Variants in HEPACAM observed in about 807,000 individuals in gnomAD.
The protein encoded by HEPACAM is hepatic and glial cell adhesion molecule, also known as hepatocyte cell adhesion molecule.
HEPACAM carries 18 observed loss-of-function variants against 38.3 expected under a neutral mutation model. That is an observed-to-expected ratio of 0.47 (90% confidence interval 0.33 to 0.70). The LOEUF is 0.70. HEPACAM is among the 30% of genes least tolerant of loss of function. HEPACAM has a pLI of 0.03. For synonymous variants in HEPACAM, 216 were observed against 243.1 expected (o/e 0.89, Z 1.04); for missense variants, 466 against 563.0 (o/e 0.83, Z 1.74).
In HEPACAM at chr11:124,919,438, A is replaced by C; in HGVS notation, c.*1700T>G. 2 of 326,704 alleles carry C rather than the reference A, an allele frequency of 6.1e-6. No individual in the cohort carries two copies. The highest frequency in any genetic ancestry group is 5.9e-5 in the East Asian group (1 of 16,972). 20.2% of individuals were successfully genotyped at this position (326,704 alleles called of 1,614,324 possible). On this transcript the variant is annotated 3_prime_UTR_variant, in exon 7 of 7. Transcript: ENST00000298251. ...CCCCTCAGGGATTCAGCACCAGGGT[A>C]TGGCATGTTCTCATCTCACCCTAAC...
At chr11:124,935,734 C>T (rs900208010) in intron 1 of HEPACAM, among the ~76,000 whole-genome samples, 188 bp downstream of exon 1, 2 of 152,118 alleles carry the variant, frequency 1.3e-5, no homozygotes, top group Admixed American at 6.5e-5. Flanking sequence ...AGGGGCCGCG[C>T]GGGAGGCACA....
chr11:124,920,362 C>A lies in HEPACAM; in HGVS notation c.*776G>T, dbSNP rs1565336368. The A allele has an allele frequency of 6.5e-7, 1 of 1,538,560 alleles. No individual in the cohort carries two copies. Among genetic ancestry groups the A allele is most frequent in the Non-Finnish European group, 8.8e-7 (1 of 1,139,002 alleles). On this transcript the variant is annotated 3_prime_UTR_variant, in exon 7 of 7. Coordinates refer to ENST00000298251, the MANE Select transcript of HEPACAM (RefSeq NM_152722.5). ...TCTATAAGAATAAGCCCATCCATCTCTTTTATTCATGAACAGAGACAGAAA... is the reference window on the plus strand; with the variant it reads ...TCTATAAGAATAAGCCCATCCATCTATTTTATTCATGAACAGAGACAGAAA...
chr11:124,932,551 G>T (rs1430812949), intron 1 of HEPACAM, among the ~76,000 whole-genome samples: 1 of 152,206 alleles, frequency 6.6e-6, no homozygotes, highest in Non-Finnish European at 1.5e-5. Context: ...GTAGCTCCAT[G>T]ACGCCTCAGG....
At chr11:124,922,671 C>G in intron 5 of HEPACAM, 74 bp downstream of exon 5, 1 of 1,614,164 alleles carries the variant, frequency 6.2e-7, no homozygotes, top group Non-Finnish European at 8.5e-7. Flanking sequence ...CCTTGTCGCC[C>G]AGTTCTGCCT....
chr11:124,928,304 G>A (rs1947242705), intron 1 of HEPACAM, among the ~76,000 whole-genome samples: 1 of 152,180 alleles, frequency 6.6e-6, no homozygotes, highest in South Asian at 2.1e-4. Flanking sequence ...GCTTGATTTA[G>A]AAAACCAAAC....
At chr11:124,927,477 G>T (rs1947227431) in intron 1 of HEPACAM, among the ~76,000 whole-genome samples, 1 of 148,148 alleles carries the variant, frequency 6.8e-6, no homozygotes, top group South Asian at 2.1e-4. Context: ...CAAGTAGCTG[G>T]GACCACAGGC....
At chr11:124,927,768 G>A (rs957016839) in intron 1 of HEPACAM, among the ~76,000 whole-genome samples, 3 of 151,916 alleles carry the variant, frequency 2.0e-5, no homozygotes, top group African/African-American at 7.3e-5. Context: ...GCACACACCT[G>A]TAATCCTAGC....
At chr11:124,931,307 A>C (rs1158357108) in intron 1 of HEPACAM, among the ~76,000 whole-genome samples, 2 of 152,154 alleles carry the variant, frequency 1.3e-5, no homozygotes, top group East Asian at 3.9e-4. Context: ...TCCTGGGCTC[A>C]AGAGATTCTC....
In HEPACAM at chr11:124,922,825, A is replaced by G. The variant is rs201728421; in HGVS notation, c.804-7T>C. 3 of 1,614,022 alleles carry G rather than the reference A, an allele frequency of 1.9e-6. No homozygotes were observed. Among genetic ancestry groups the G allele is most frequent in the Non-Finnish European group, 2.5e-6 (3 of 1,180,010 alleles). On this transcript the variant is annotated splice_polypyrimidine_tract_variant and splice_region_variant and intron_variant, in intron 4 of 6. Transcript: ENST00000298251. ...TTCTAGCTTCTTCTGTTTCCTGTGA[A>G]TCAATTCAGCCCCACTATGAGCCGA...
intron 1 of HEPACAM, 122 bp downstream of exon 1, chr11:124,935,800 C>T (rs1365135901): frequency 3.2e-5 from 25 of 789,768 alleles, no homozygotes; most frequent in African/African-American, 8.5e-5. Flanking sequence ...ATGTTTCCCA[C>T]GGCAGCTGAA....
At chr11:124,932,700 C>A (rs1305722299) in intron 1 of HEPACAM, among the ~76,000 whole-genome samples, 1 of 152,110 alleles carries the variant, frequency 6.6e-6, no homozygotes, top group Non-Finnish European at 1.5e-5. Context: ...TAAGTATGGC[C>A]ATGTGACTGA....
rs2135400292 is a variant in HEPACAM, at chr11:124,925,057, C to A, written c.98G>T (p.Gly33Val). Residue 33 changes from glycine (G) to valine (V), a missense_variant, in exon 2 of 7, where the codon GGG (glycine) becomes GTG (valine). Gly to Val is a moderately radical substitution (Grantham distance 109, BLOSUM62 -3). Coordinates refer to ENST00000298251, the MANE Select transcript of HEPACAM (RefSeq NM_152722.5). ...GCGCACGGGGCTGGTGATGTTCACC[C>A]CCTCCAGGGGGTCTGTGAACAGAGG... ...LLLIQTDPLE[G>V]VNITSPVRLI... is the part of the protein sequence containing the mutation. 6.3e-7 allele frequency: 1 copy of A among 1,592,338 alleles called. No homozygotes were observed. Among genetic ancestry groups the A allele is most frequent in the Non-Finnish European group, 8.6e-7 (1 of 1,166,916 alleles).
chr11:124,924,583 G>T lies in HEPACAM; in HGVS notation c.427+145C>A. On this transcript the variant is annotated intron_variant, in intron 2 of 6. Coordinates refer to ENST00000298251, the MANE Select transcript of HEPACAM (RefSeq NM_152722.5). This position sits in a 1 kb window ranked among gnomAD's most constrained non-coding sequence, Gnocchi z 4.4. ...CATGTTAGCTGTGCTGTGCCTGTCTGCCAACTTCTAATGTCCACTTGCCTC... is the reference window on the plus strand; with the variant it reads ...CATGTTAGCTGTGCTGTGCCTGTCTTCCAACTTCTAATGTCCACTTGCCTC... 1.3e-6 allele frequency: 1 copy of T among 786,526 alleles called. No homozygotes were observed. The highest frequency in any genetic ancestry group is 2.3e-6 in the Non-Finnish European group (1 of 436,446). 48.7% of individuals were successfully genotyped at this position (786,526 alleles called of 1,614,324 possible).
In HEPACAM at chr11:124,922,787, G is replaced by A; in HGVS notation, c.835C>T (p.Leu279=). 1 of 1,614,194 alleles carries A rather than the reference G, an allele frequency of 6.2e-7. No individual in the cohort carries two copies. The highest frequency in any genetic ancestry group is 2.2e-5 in the East Asian group (1 of 44,888). Reference sequence around the variant, plus strand: ...TCATCATTCTGATCCATGTATTCCAGGGAGTTTTGCTTTTCTAGCTTCTTC... The same window carrying A: ...TCATCATTCTGATCCATGTATTCCAAGGAGTTTTGCTTTTCTAGCTTCTTC... ...KQKKLEKQNS[L]EYMDQNDDRL... is the part of the protein sequence containing the mutation. The change falls in exon 5 of 7, where the codon CTG becomes TTG. Residue 279 remains leucine, a synonymous_variant. Transcript: ENST00000298251.
Position 124,919,919 on chromosome 11 carries a change from G to T in HEPACAM, c.*1219C>A. ...TTTAATTGCCCTCTCTCCTCACACA[G>T]TAGATTACTGCCACTCCTATGAACT... On this transcript the variant is annotated 3_prime_UTR_variant, in exon 7 of 7. Coordinates refer to ENST00000298251, the MANE Select transcript of HEPACAM (RefSeq NM_152722.5). 5.0e-6 allele frequency: 8 copies of T among 1,614,102 alleles called. No homozygotes were observed. Among genetic ancestry groups the T allele is most frequent in the Non-Finnish European group, 6.8e-6 (8 of 1,180,018 alleles).
Position 124,920,541 on chromosome 11 carries a change from T to C in HEPACAM, c.*597A>G, listed in dbSNP as rs1431695289. The C allele has an allele frequency of 1.8e-5, 25 of 1,401,386 alleles. No homozygotes were observed. The highest frequency in any genetic ancestry group is 1.8e-5 in the Non-Finnish European group (19 of 1,059,392). The allele number at this position is 1,401,386 out of a possible 1,614,324, so 86.8% of individuals were successfully genotyped here. A position where few individuals can be genotyped will look rare whatever the true frequency, so the allele number is the denominator to read the frequency against. On this transcript the variant is annotated 3_prime_UTR_variant, in exon 7 of 7. Transcript: ENST00000298251. ...ACCTTGTAGGTCCCCAGGTACCAGG[T>C]GCCCAGGGAAGAAGGCCTTCACAAT...
chr11:124,922,643 T>C, intron 5 of HEPACAM, 102 bp downstream of exon 5: 2 of 1,613,540 alleles, frequency 1.2e-6, no homozygotes, highest in Non-Finnish European at 1.7e-6. Context: ...GGGGGAAGGG[T>C]CCCTGCAGAG....
At position 124,920,678 on chromosome 11, in the gene HEPACAM, C is replaced by CGGAA. The variant is rs886047925; in HGVS notation, c.*459_*460insTTCC. ...AAGTGGCCTCTCTAATCTGAACTTG[C>CGGAA]AAAAAAAAAAAAAAAAAAAAAAAAA... On this transcript the variant is annotated 3_prime_UTR_variant, in exon 7 of 7. Coordinates refer to ENST00000298251, the MANE Select transcript of HEPACAM (RefSeq NM_152722.5). 1.5e-4 allele frequency: 84 copies of CGGAA among 575,242 alleles called. 3 individuals are homozygous for CGGAA. The African/African-American group carries it at 2.5e-3, about 17-fold the overall frequency. The allele number at this position is 575,242 out of a possible 1,614,324, so 35.6% of individuals were successfully genotyped here.
chr11:124,930,000 C>A (rs3924535), intron 1 of HEPACAM, among the ~76,000 whole-genome samples: 1 of 152,042 alleles, frequency 6.6e-6, no homozygotes, highest in Admixed American at 6.5e-5. Flanking sequence ...TCCCTAACAC[C>A]AAAGGCTGCT....
Sources: allele counts gnomAD v4.1 joint callset (sites outside exome capture counted in the v4.1 genomes callset), GRCh38; gene constraint gnomAD v4.1.1; non-coding constraint Gnocchi (gnomAD v3.1); transcripts MANE v1.5; gene names NCBI Gene and HGNC (gene_info 2026-07-23, HGNC 2026-07-21).